Variants in PDE4D observed in about 807,000 individuals in gnomAD.
PDE4D encodes 3',5'-cyclic-AMP phosphodiesterase 4D.
A neutral mutation model predicts 87.4 loss-of-function variants in PDE4D; 24 were observed. The ratio of observed to expected loss-of-function variants is 0.27; its 90% CI spans 0.20 to 0.39. The LOEUF (loss-of-function observed/expected upper bound fraction) is 0.39. Among genes scored for constraint, PDE4D ranks in the 10% least tolerant of loss-of-function variants. PDE4D has a pLI of 1.00. For synonymous variants in PDE4D, 384 were observed against 383.2 expected, an observed-to-expected ratio of 1.00 and a Z score of -0.02; for missense variants, 714 against 1,041.0, an observed-to-expected ratio of 0.69 and a Z score of 4.32.
At chr5:60,298,140 A>G (rs1489905662) in intron 1 of PDE4D, among the ~76,000 whole-genome samples, 1 of 148,000 alleles carries the variant, frequency 6.8e-6, no homozygotes, top group Non-Finnish European at 1.5e-5. Context: ...ACAAGCATCT[A>G]CCAGAAAAAT....
chr5:60,342,674 T>C (rs1177740961), intron 1 of PDE4D, among the ~76,000 whole-genome samples: 5 of 146,450 alleles, frequency 3.4e-5, no homozygotes, highest in African/African-American at 1.3e-4. Flanking sequence ...TTTCTGAGAA[T>C]AGGATAATCG....
chr5:59,885,626 G>C (rs577768557), intron 1 of PDE4D, among the ~76,000 whole-genome samples: 36 of 152,214 alleles, frequency 2.4e-4, no homozygotes, highest in African/African-American at 7.7e-4. Flanking sequence ...GAATCTTGTA[G>C]AGCCACATAA....
At chr5:59,646,768 G>A (rs1742516206) in intron 1 of PDE4D, among the ~76,000 whole-genome samples, 2 of 152,156 alleles carry the variant, frequency 1.3e-5, no homozygotes, top group Non-Finnish European at 2.9e-5. Context: ...GGGTGCGGTA[G>A]CTCACACCTG....
At chr5:59,510,778 CTTTAG>C (rs994826182) in intron 1 of PDE4D, among the ~76,000 whole-genome samples, 14 of 151,990 alleles carry the variant, frequency 9.2e-5, no homozygotes, top group Non-Finnish European at 2.1e-4. Context: ...AGTGAAAACT[CTTTAG>C]TTAAGTGAAG....
At chr5:60,197,934 A>T (rs1741457824) in intron 1 of PDE4D, among the ~76,000 whole-genome samples, 1 of 151,286 alleles carries the variant, frequency 6.6e-6, no homozygotes, top group Admixed American at 6.6e-5. Context: ...AAAACTGTAC[A>T]TGCCCCTTAG....
chr5:60,089,397 A>C (rs1307110569), intron 2 of PDE4D, among the ~76,000 whole-genome samples: 1 of 152,098 alleles, frequency 6.6e-6, no homozygotes, highest in Non-Finnish European at 1.5e-5. Flanking sequence ...AACATTGGAA[A>C]CTGTACAAAT....
At chr5:59,636,540 TGGTACCAAAACA>T (rs1310646783) in intron 1 of PDE4D, among the ~76,000 whole-genome samples, 2 of 152,294 alleles carry the variant, frequency 1.3e-5, no homozygotes, top group South Asian at 2.1e-4. Context: ...AGCATGCTAC[TGGTACCAAAACA>T]GGTATATAGA....
At chr5:59,386,971 AT>A (rs1787197684) in intron 1 of PDE4D, among the ~76,000 whole-genome samples, 1 of 152,168 alleles carries the variant, frequency 6.6e-6, no homozygotes, top group South Asian at 2.1e-4. Context: ...CTTAAAATTA[AT>A]CATAATATTT....
At chr5:59,960,973 C>CTA (rs1759404194) in intron 3 of PDE4D, among the ~76,000 whole-genome samples, 1 of 152,186 alleles carries the variant, frequency 6.6e-6, no homozygotes, top group Admixed American at 6.5e-5. Flanking sequence ...GCATCTGGCA[C>CTA]TATAGGCTCT....
At chr5:59,232,462 C>A (rs891224440) in intron 1 of PDE4D, among the ~76,000 whole-genome samples, 6 of 145,680 alleles carry the variant, frequency 4.1e-5, no homozygotes, top group Admixed American at 6.9e-5. Context: ...AACTATAAAT[C>A]AAAACCACAG....
intron 1 of PDE4D, among the ~76,000 whole-genome samples, chr5:60,461,519 T>C (rs940512633): frequency 6.6e-6 from 1 of 152,254 alleles, no homozygotes; most frequent in African/African-American, 2.4e-5. Context: ...TTAATAATTA[T>C]TCAAGATTCA....
chr5:60,025,209 T>G (rs1261778879), intron 2 of PDE4D, among the ~76,000 whole-genome samples: 5 of 152,180 alleles, frequency 3.3e-5, no homozygotes, highest in African/African-American at 1.2e-4. Flanking sequence ...GTCAAGATAT[T>G]GCCAAAGAAC....
At chr5:60,055,077 C>G (rs540413404) in intron 2 of PDE4D, among the ~76,000 whole-genome samples, 1 of 152,010 alleles carries the variant, frequency 6.6e-6, no homozygotes, top group African/African-American at 2.4e-5. Flanking sequence ...ATAAACACTG[C>G]CTTATGTTCC....
chr5:59,891,761 A>C (rs1327434571), intron 1 of PDE4D, among the ~76,000 whole-genome samples: 3 of 149,204 alleles, frequency 2.0e-5, no homozygotes, highest in Non-Finnish European at 4.4e-5. Flanking sequence ...TCCCTTGTAC[A>C]TAGTGTATAC....
chr5:60,252,399 CTTT>C (rs749772318), intron 1 of PDE4D, among the ~76,000 whole-genome samples: 3 of 137,390 alleles, frequency 2.2e-5, no homozygotes, highest in Non-Finnish European at 1.6e-5. Context: ...CACTTTTTTA[CTTT>C]TTTTTTTTTT....
intron 1 of PDE4D, among the ~76,000 whole-genome samples, chr5:59,849,509 T>C (rs1227306449): frequency 6.6e-6 from 1 of 151,928 alleles, no homozygotes; most frequent in African/African-American, 2.4e-5. Context: ...AATATGAGTG[T>C]CCCCTGTGAG....
chr5:59,166,134 T>C (rs917403254), intron 5 of PDE4D: 6 of 152,164 alleles, frequency 3.9e-5, no homozygotes, highest in African/African-American at 1.4e-4. Flanking sequence ...AAGCAAAGGA[T>C]CATTGCTGAG....
At chr5:59,299,685 A>G (rs917431490) in intron 1 of PDE4D, among the ~76,000 whole-genome samples, 189 of 152,310 alleles carry the variant, frequency 1.2e-3, no homozygotes, top group African/African-American at 4.2e-3. Context: ...GTAAATTGCC[A>G]AGTTTTCTCA....
intron 5 of PDE4D, among the ~76,000 whole-genome samples, chr5:59,170,096 T>A (rs1260903137): frequency 1.3e-5 from 2 of 152,276 alleles, no homozygotes; most frequent in East Asian, 3.9e-4. Flanking sequence ...AGTGGCATGA[T>A]CATGGTTCAC....
Sources: allele counts gnomAD v4.1 joint callset (sites outside exome capture counted in the v4.1 genomes callset), GRCh38; gene constraint gnomAD v4.1.1; transcripts MANE v1.5; gene names NCBI Gene and HGNC (gene_info 2026-07-23, HGNC 2026-07-21).